The following CNTRL variants were observed in gnomAD, a reference collection of about 807,000 sequenced individuals.
The protein encoded by CNTRL is 110 kDa centrosomal protein.
CNTRL carries 233 observed loss-of-function variants against 303.7 expected under a neutral mutation model. The observed-to-expected ratio is 0.77, with a 90% confidence interval of 0.69 to 0.86. CNTRL has a LOEUF of 0.86. Among genes scored for constraint, CNTRL ranks in the 40% least tolerant of loss-of-function variants. CNTRL has a pLI of 0.00. For missense variants in CNTRL, 2,524 were observed against 2,650.6 expected (o/e 0.95, Z 1.05); for synonymous variants, 900 against 922.2 (o/e 0.98, Z 0.44).
chr9:121,136,823 T>C (rs73660405), intron 15 of CNTRL, among the ~76,000 whole-genome samples: 362 of 152,298 alleles, frequency 2.4e-3, no homozygotes, highest in African/African-American at 8.4e-3. Flanking sequence ...CTCTGATTGG[T>C]AAACTTTAGT....
At chr9:121,089,125 C>A (rs1389357347) in intron 3 of CNTRL, among the ~76,000 whole-genome samples, 2 of 152,118 alleles carry the variant, frequency 1.3e-5, no homozygotes, top group Non-Finnish European at 2.9e-5. Flanking sequence ...AAATAATAGC[C>A]ATTAAACTCT....
At chr9:121,134,020 A>C (rs1251339474) in intron 14 of CNTRL, among the ~76,000 whole-genome samples, 6 of 152,146 alleles carry the variant, frequency 3.9e-5, no homozygotes, top group Admixed American at 2.0e-4. Context: ...CCATCTTTCT[A>C]TTGTGAAGAT....
intron 31 of CNTRL, 59 bp from the exon 32 acceptor site, chr9:121,160,084 T>C: frequency 8.2e-7 from 1 of 1,224,234 alleles, no homozygotes; most frequent in Non-Finnish European, 1.1e-6. Flanking sequence ...AGAACTTATT[T>C]TGAAGTAATT....
chr9:121,118,517 C>G lies in CNTRL; in HGVS notation c.1627C>G (p.Leu543Val). Residue 543 changes from leucine (L) to valine (V), a missense_variant, in exon 12 of 44, where the codon CTG (leucine) becomes GTG (valine). Transcript: ENST00000373855. ...IKDLQIAIDS[L>V]DSKDPKHSHM... ...GGACCTGCAAATAGCCATAGATAGC[C>G]TGGATTCCAAAGACCCAAAACATGT... is the stretch of plus-strand genomic sequence containing the variant. 1.3e-6 allele frequency: 2 copies of G among 1,599,674 alleles called. No individual in the cohort carries two copies. The highest frequency in any genetic ancestry group is 1.7e-6 in the Non-Finnish European group (2 of 1,172,734).
chr9:121,123,973 G>C lies in CNTRL; in HGVS notation c.1693G>C (p.Asp565His). The C allele has an allele frequency of 1.2e-6, 2 of 1,611,278 alleles. No homozygotes were observed. Among genetic ancestry groups the C allele is most frequent in the Non-Finnish European group, 1.7e-6 (2 of 1,179,002 alleles). Residue 565 changes from aspartate (D) to histidine (H), a missense_variant, in exon 13 of 44, where the codon GAC becomes CAC. Physicochemically the swap from Asp to His is moderately conservative, Grantham distance 81 (BLOSUM62 -1). Coordinates refer to ENST00000373855, the MANE Select transcript of CNTRL (RefSeq NM_007018.6). Reference protein sequence around the residue: ...AQKSGKEQQLDIMNKQYQQLE... With the variant: ...AQKSGKEQQLHIMNKQYQQLE... ...AAAGAGCGGTAAAGAACAACAGCTT[G>C]ACATTATGAACAAGCAGTACCAACA...
chr9:121,125,892 G>C lies in CNTRL; in HGVS notation c.1981G>C (p.Asp661His), dbSNP rs764077565. ...QRLTEVEQERDQLEIVAMDAE... is the reference protein window; with the variant it reads ...QRLTEVEQERHQLEIVAMDAE... ...ATTGACAGAAGTCGAGCAGGAGAGAGACCAGCTGGAAATAGTTGCCATGGA... is the reference window on the plus strand; with the variant it reads ...ATTGACAGAAGTCGAGCAGGAGAGACACCAGCTGGAAATAGTTGCCATGGA... The change falls in exon 14 of 44, where the codon GAC becomes CAC. Residue 661 changes from aspartate (D) to histidine (H), a missense_variant. Transcript: ENST00000373855. 1 of 1,614,184 alleles carries C rather than the reference G, an allele frequency of 6.2e-7. No homozygotes were observed. The highest frequency in any genetic ancestry group is 8.5e-7 in the Non-Finnish European group (1 of 1,180,032).
intron 19 of CNTRL, among the ~76,000 whole-genome samples, 185 bp downstream of exon 19, chr9:121,142,455 G>T (rs1564265317): frequency 6.6e-6 from 1 of 152,218 alleles, no homozygotes; most frequent in Non-Finnish European, 1.5e-5. Context: ...AAGACCATGT[G>T]TTGTGGTAGA....
chr9:121,116,055 A>G (rs1432349250), intron 11 of CNTRL, among the ~76,000 whole-genome samples: 1 of 151,952 alleles, frequency 6.6e-6, no homozygotes, highest in Non-Finnish European at 1.5e-5. Context: ...GAAAAAAAAT[A>G]TTTATTTAAA....
intron 38 of CNTRL, among the ~76,000 whole-genome samples, chr9:121,168,873 GTGGGC>G (rs2053195927): frequency 6.6e-6 from 1 of 152,064 alleles, no homozygotes; most frequent in Admixed American, 6.5e-5. Context: ...GGAAAATGTT[GTGGGC>G]TTGGGGATCT....
In CNTRL at chr9:121,150,502, A is replaced by G; in HGVS notation, c.3963+19A>G. ...TAACTTAGTAAGTGGAAAGACATAC[A>G]ACTCTCTTTCCACACTGCTTCCATG... On this transcript the variant is annotated intron_variant, in intron 25 of 43. Coordinates refer to ENST00000373855, the MANE Select transcript of CNTRL (RefSeq NM_007018.6). The G allele has an allele frequency of 6.2e-7, 1 of 1,606,158 alleles. No homozygotes were observed. The highest frequency in any genetic ancestry group is 8.5e-7 in the Non-Finnish European group (1 of 1,172,972).
At chr9:121,113,760 AT>A (rs2049857180) in intron 10 of CNTRL, 36 bp downstream of exon 10, 4 of 1,290,894 alleles carry the variant, frequency 3.1e-6, no homozygotes, top group South Asian at 1.9e-5. Context: ...TTAAAAAAAA[AT>A]ATGAAAACAT....
chr9:121,120,511 A>G (rs1422396582), intron 12 of CNTRL, among the ~76,000 whole-genome samples: 1 of 152,118 alleles, frequency 6.6e-6, no homozygotes, highest in Non-Finnish European at 1.5e-5. Context: ...CATGAACTCT[A>G]TCCTACTGGT....
intron 4 of CNTRL, among the ~76,000 whole-genome samples, chr9:121,093,037 G>A (rs372067548): frequency 6.6e-5 from 10 of 151,008 alleles, no homozygotes; most frequent in African/African-American, 2.4e-4. Flanking sequence ...TCGATCTCCT[G>A]ACCTTGTGAT....
intron 14 of CNTRL, among the ~76,000 whole-genome samples, chr9:121,132,743 C>A (rs2050940640): frequency 6.6e-6 from 1 of 152,196 alleles, no homozygotes; most frequent in Non-Finnish European, 1.5e-5. Context: ...AGCTTTTCTG[C>A]TGTGGTTTCT....
chr9:121,113,331 T>C lies in CNTRL; in HGVS notation c.1123-171T>C, dbSNP rs145421419. Among the ~76,000 whole-genome samples the C allele has an allele frequency of 3.7e-3, 570 of 152,264 alleles. 5 individuals are homozygous for C. The highest frequency in any genetic ancestry group is 0.013 in the African/African-American group (543 of 41,556). ...TTTTAGTTCTAATTTCCTTTTTTGG[T>C]ATATTAAGAAGAAGATAAAAGAATA... On this transcript the variant is annotated intron_variant, in intron 9 of 43. Coordinates refer to ENST00000373855, the MANE Select transcript of CNTRL (RefSeq NM_007018.6).
chr9:121,100,642 T>A (rs1312228764), intron 7 of CNTRL, among the ~76,000 whole-genome samples: 4 of 152,184 alleles, frequency 2.6e-5, no homozygotes, highest in Admixed American at 6.5e-5. Flanking sequence ...AAGACCCATC[T>A]GTGTGCTGTA....
chr9:121,097,932 T>C (rs2048961648), intron 6 of CNTRL, among the ~76,000 whole-genome samples: 1 of 152,200 alleles, frequency 6.6e-6, no homozygotes, highest in South Asian at 2.1e-4. Context: ...GAATAAACTG[T>C]CAATTATAGC....
At chr9:121,152,894 C>T (rs996408206) in intron 26 of CNTRL, among the ~76,000 whole-genome samples, 4 of 152,158 alleles carry the variant, frequency 2.6e-5, no homozygotes, top group Non-Finnish European at 5.9e-5. Flanking sequence ...TTAATAGCCA[C>T]ATATTGAGTA....
At chr9:121,116,561 G>A (rs940862670) in intron 11 of CNTRL, among the ~76,000 whole-genome samples, 1 of 152,138 alleles carries the variant, frequency 6.6e-6, no homozygotes, top group African/African-American at 2.4e-5. Flanking sequence ...AGGCTCAAGC[G>A]ATCTGCCCGT....
Sources: gnomAD v4.1 joint callset for allele counts (sites outside exome capture counted in the v4.1 genomes callset) on GRCh38, gnomAD v4.1.1 for gene constraint, MANE v1.5 for transcripts, NCBI Gene and HGNC (gene_info 2026-07-23, HGNC 2026-07-21) for gene names.